HTR4: variants seen among roughly 807,000 people sequenced by gnomAD.
HTR4 encodes the protein 5-hydroxytryptamine (serotonin) receptor 4, G protein-coupled.
In HTR4, 16 loss-of-function variants were observed where a neutral mutation model predicts 36.8. The ratio of observed to expected loss-of-function variants is 0.43; its 90% CI spans 0.29 to 0.66. The LOEUF (loss-of-function observed/expected upper bound fraction) is 0.66. Ranked by LOEUF, HTR4 falls within the 30% of genes least tolerant of loss-of-function variation. HTR4 has a pLI of 0.13. For synonymous variants in HTR4, 189 were observed against 185.1 expected (o/e 1.02, Z -0.17); for missense variants, 438 against 490.9 (o/e 0.89, Z 1.02).
intron 5 of HTR4, among the ~76,000 whole-genome samples, chr5:148,470,872 AGAGAC>A (rs1443102551): frequency 5.9e-5 from 9 of 152,122 alleles, no homozygotes; most frequent in Non-Finnish European, 1.3e-4. Context: ...TATTTTTAGT[AGAGAC>A]GGGGTTTCAC....
intron 2 of HTR4, among the ~76,000 whole-genome samples, chr5:148,568,516 A>G (rs1284414610): frequency 6.6e-6 from 1 of 152,144 alleles, no homozygotes; most frequent in African/African-American, 2.4e-5. Context: ...GTAATGAATT[A>G]CATATTGTAG....
intron 6 of HTR4, among the ~76,000 whole-genome samples, chr5:148,505,835 C>T (rs1320275895): frequency 1.3e-5 from 2 of 152,122 alleles, no homozygotes; most frequent in African/African-American, 4.8e-5. Context: ...AGGACCTCTT[C>T]AAGGAGAACT....
At chr5:148,485,699 G>A (rs1199955804) in intron 6 of HTR4, among the ~76,000 whole-genome samples, 2 of 152,218 alleles carry the variant, frequency 1.3e-5, no homozygotes, top group South Asian at 2.1e-4. Flanking sequence ...TGTAAAGGGG[G>A]AAAAAATCCT....
intron 6 of HTR4, among the ~76,000 whole-genome samples, chr5:148,496,629 A>T (rs1035302697): frequency 6.6e-5 from 10 of 152,310 alleles, no homozygotes; most frequent in African/African-American, 2.4e-4. Flanking sequence ...GGAAACGTCA[A>T]CTCAATATCA....
intron 2 of HTR4, among the ~76,000 whole-genome samples, chr5:148,590,477 A>G (rs1215953104): frequency 3.3e-5 from 5 of 150,448 alleles, no homozygotes; most frequent in Non-Finnish European, 7.4e-5. Context: ...TGGATTTTTA[A>G]TAGAGACGGG....
intron 1 of HTR4, among the ~76,000 whole-genome samples, chr5:148,649,819 T>G (rs1753980714): frequency 6.6e-6 from 1 of 152,220 alleles, no homozygotes; most frequent in African/African-American, 2.4e-5. Context: ...TTAGTTATCT[T>G]AAAATCAGAT....
At chr5:148,522,628 A>G (rs562093744) in intron 5 of HTR4, among the ~76,000 whole-genome samples, 112 of 152,348 alleles carry the variant, frequency 7.4e-4, no homozygotes, top group African/African-American at 2.6e-3. Context: ...GACTATCAAC[A>G]TAGGTTATAG....
intron 2 of HTR4, among the ~76,000 whole-genome samples, chr5:148,618,596 A>G (rs1044388568): frequency 1.3e-5 from 2 of 152,206 alleles, no homozygotes; most frequent in African/African-American, 4.8e-5. Flanking sequence ...TTCAGGCACA[A>G]GGATGATAAC....
chr5:148,481,452 G>T, downstream of HTR4: 1 of 923,498 alleles, frequency 1.1e-6, no homozygotes, highest in Non-Finnish European at 1.6e-6. Context: ...ATTCTGAATA[G>T]CATTTCTCTT....
At chr5:148,458,394 C>T (rs921264991) in intron 5 of HTR4, among the ~76,000 whole-genome samples, 2 of 151,970 alleles carry the variant, frequency 1.3e-5, no homozygotes, top group Non-Finnish European at 2.9e-5. Flanking sequence ...GGCACAGTGC[C>T]ATGCCTTGGA....
chr5:148,497,289 T>C (rs1477842574), intron 6 of HTR4, among the ~76,000 whole-genome samples: 1 of 152,100 alleles, frequency 6.6e-6, no homozygotes, highest in Non-Finnish European at 1.5e-5. Context: ...TACTAATTGG[T>C]TTTTTCTCAT....
chr5:148,479,601 G>A (rs1007812036), downstream of HTR4, among the ~76,000 whole-genome samples: 6 of 152,064 alleles, frequency 3.9e-5, no homozygotes, highest in Non-Finnish European at 5.9e-5. Flanking sequence ...GCATCAAAAA[G>A]TAGATGATCA....
Position 148,482,110 on chromosome 5 carries a change from G to T in HTR4, c.*1093C>A. ...ACAGCTTGTTTGCAGCACAGCCAGG[G>T]CGGCAATTTGGGTCCTCTGGCTTCA... On this transcript the variant is annotated 3_prime_UTR_variant, in exon 7 of 7. Transcript: ENST00000377888. 2.0e-6 allele frequency: 2 copies of T among 985,348 alleles called. No individual in the cohort carries two copies. The highest frequency in any genetic ancestry group is 2.4e-6 in the Non-Finnish European group (2 of 829,784). 61.0% of individuals were successfully genotyped at this position (985,348 alleles called of 1,614,324 possible). A position where few individuals can be genotyped will look rare whatever the true frequency, so the allele number is the denominator to read the frequency against.
chr5:148,553,241 G>A (rs150108105), intron 2 of HTR4, among the ~76,000 whole-genome samples: 27 of 152,298 alleles, frequency 1.8e-4, no homozygotes, highest in East Asian at 1.2e-3. Context: ...AGGGTAAGGA[G>A]GACTGGATGG....
chr5:148,515,044 T>C (rs1160035915), intron 5 of HTR4, among the ~76,000 whole-genome samples: 1 of 152,144 alleles, frequency 6.6e-6, no homozygotes, highest in Non-Finnish European at 1.5e-5. Flanking sequence ...CAAATTGATT[T>C]ACATTTGTCT....
At position 148,481,607 on chromosome 5, in the gene HTR4, T is replaced by G; in HGVS notation, c.*1596A>C. ...TTCTCTTCCTTATTCCAAAGTTTCTTCCTGTCGGTTTCAGTTCCAGAACTA... is the reference window on the plus strand; with the variant it reads ...TTCTCTTCCTTATTCCAAAGTTTCTGCCTGTCGGTTTCAGTTCCAGAACTA... On this transcript the variant is annotated 3_prime_UTR_variant, in exon 7 of 7. Coordinates refer to ENST00000377888, the MANE Select transcript of HTR4 (RefSeq NM_000870.7). The G allele has an allele frequency of 6.6e-7, 1 of 1,512,258 alleles. No individual in the cohort carries two copies. The highest frequency in any genetic ancestry group is 8.8e-7 in the Non-Finnish European group (1 of 1,141,154). 93.7% of individuals were successfully genotyped at this position (1,512,258 alleles called of 1,614,324 possible). A position where few individuals can be genotyped will look rare whatever the true frequency, so the allele number is the denominator to read the frequency against.
At chr5:148,460,922 T>C (rs543237601) in intron 5 of HTR4, among the ~76,000 whole-genome samples, 3 of 152,240 alleles carry the variant, frequency 2.0e-5, no homozygotes, top group Non-Finnish European at 2.9e-5. Flanking sequence ...GGTGACTATC[T>C]GTACATATGT....
At chr5:148,464,160 A>C (rs918189589) in intron 5 of HTR4, among the ~76,000 whole-genome samples, 1 of 152,124 alleles carries the variant, frequency 6.6e-6, no homozygotes, top group Non-Finnish European at 1.5e-5. Context: ...GCTTAGGAAA[A>C]AATCTAGACA....
chr5:148,647,802 T>C (rs907305465), intron 1 of HTR4, among the ~76,000 whole-genome samples: 3 of 152,176 alleles, frequency 2.0e-5, no homozygotes, highest in African/African-American at 7.2e-5. Flanking sequence ...TGAGCTGAGA[T>C]TGCACCACTG....
Sources: gnomAD v4.1 joint callset for allele counts (sites outside exome capture counted in the v4.1 genomes callset) on GRCh38, gnomAD v4.1.1 for gene constraint, MANE v1.5 for transcripts, NCBI Gene and HGNC (gene_info 2026-07-23, HGNC 2026-07-21) for gene names.